Variants in DLGAP2 observed in about 807,000 individuals in gnomAD.
The protein encoded by DLGAP2 is DLG associated protein 2, also known as disks large-associated protein 2.
A neutral mutation model predicts 100.3 loss-of-function variants in DLGAP2; 26 were observed. The observed-to-expected ratio is 0.26, with a 90% CI of 0.19 to 0.36. DLGAP2 has a LOEUF of 0.36. DLGAP2 is among the 10% of genes least tolerant of loss of function. The pLI, the probability that DLGAP2 is intolerant of heterozygous loss-of-function variation, is 1.00. For synonymous variants in DLGAP2, 886 were observed against 630.1 expected (o/e 1.41, Z -6.08); for missense variants, 1,858 against 1,453.2 (o/e 1.28, Z -4.53).
chr8:1,048,958 T>TGA (rs1272954006), intron 2 of DLGAP2, among the ~76,000 whole-genome samples: 6 of 152,346 alleles, frequency 3.9e-5, no homozygotes, highest in Non-Finnish European at 8.8e-5. Flanking sequence ...GTGATTTGAC[T>TGA]GAGCCACACC....
At chr8:784,743 A>G (rs896547392) in intron 1 of DLGAP2, among the ~76,000 whole-genome samples, 2 of 152,238 alleles carry the variant, frequency 1.3e-5, no homozygotes, top group Non-Finnish European at 2.9e-5. Context: ...ACACGGGCCC[A>G]TGCCTGTGAA....
intron 1 of DLGAP2, among the ~76,000 whole-genome samples, chr8:741,156 T>C (rs1820472717): frequency 6.6e-6 from 1 of 152,224 alleles, no homozygotes; most frequent in Non-Finnish European, 1.5e-5. Context: ...AAACTGAGCA[T>C]AGTGATTTCA....
rs13272225 is a variant in DLGAP2 at position 1,282,894 on chromosome 8, G to A, written c.106+24011G>A. 1.2e-3 allele frequency among the ~76,000 whole-genome samples: 131 copies of A among 111,170 alleles called. 1 individual carries two copies. The highest frequency in any genetic ancestry group is 1.9e-3 in the Non-Finnish European group (102 of 55,074). The allele number at this position is 111,170 out of a possible 152,430, so 72.9% of individuals were successfully genotyped here. A position where few individuals can be genotyped will look rare whatever the true frequency, so the allele number is the denominator to read the frequency against. ...ACCCAGCGCCCTGAACCATCCGGACGTGGTGTGACCTGAACCCAGCACGTG... is the reference window on the plus strand; with the variant it reads ...ACCCAGCGCCCTGAACCATCCGGACATGGTGTGACCTGAACCCAGCACGTG... On this transcript the variant is annotated intron_variant, in intron 3 of 14. Coordinates refer to ENST00000637795, the MANE Select transcript of DLGAP2 (RefSeq NM_001346810.2).
chr8:1,420,832 C>T (rs1441722926), intron 3 of DLGAP2, among the ~76,000 whole-genome samples: 2 of 152,170 alleles, frequency 1.3e-5, no homozygotes, highest in Non-Finnish European at 2.9e-5. Flanking sequence ...CCTATTGGTG[C>T]CATTTCAGAG....
At chr8:1,314,318 A>G (rs62483956) in intron 3 of DLGAP2, among the ~76,000 whole-genome samples, 29,509 of 152,060 alleles carry the variant, frequency 0.19, 3,101 homozygotes, top group African/African-American at 0.26. Context: ...TGGAATTCCA[A>G]CTTCACACTG....
At chr8:838,378 G>T (rs1796921163) in intron 1 of DLGAP2, among the ~76,000 whole-genome samples, 1 of 151,584 alleles carries the variant, frequency 6.6e-6, no homozygotes, top group South Asian at 2.1e-4. Flanking sequence ...TGTGGTCTTG[G>T]CATCAGTATT....
intron 2 of DLGAP2, among the ~76,000 whole-genome samples, chr8:951,226 T>C (rs1799471653): frequency 6.6e-6 from 1 of 152,208 alleles, no homozygotes; most frequent in South Asian, 2.1e-4. Context: ...ATTTTGTTAC[T>C]TTAAAAAATA....
At chr8:827,717 G>T (rs942161761) in intron 1 of DLGAP2, among the ~76,000 whole-genome samples, 1 of 152,250 alleles carries the variant, frequency 6.6e-6, no homozygotes, top group East Asian at 1.9e-4. Context: ...AATTTATTTT[G>T]CAAAAGAAAA....
At chr8:1,158,405 A>C (rs1215348154) in intron 2 of DLGAP2, among the ~76,000 whole-genome samples, 1 of 152,144 alleles carries the variant, frequency 6.6e-6, no homozygotes, top group Non-Finnish European at 1.5e-5. Flanking sequence ...TGTTTTATTG[A>C]CTTATATTTG....
chr8:1,531,241 CGTGT>C (rs58738870), intron 4 of DLGAP2, among the ~76,000 whole-genome samples: 111 of 143,332 alleles, frequency 7.7e-4, no homozygotes, highest in Admixed American at 1.6e-3. Context: ...AGAGCGTGTG[CGTGT>C]GTGTGTGTGT....
chr8:1,198,094 G>T (rs1435173429), intron 2 of DLGAP2, among the ~76,000 whole-genome samples: 1 of 150,630 alleles, frequency 6.6e-6, no homozygotes, highest in Non-Finnish European at 1.5e-5. Context: ...GTGTGGTTCT[G>T]TGTGTGTGTG....
At chr8:1,334,177 G>A (rs531189425) in intron 3 of DLGAP2, among the ~76,000 whole-genome samples, 96 of 152,364 alleles carry the variant, frequency 6.3e-4, no homozygotes, top group African/African-American at 1.9e-3. Flanking sequence ...CTGATGGGCT[G>A]CCTTGAAAGC....
At chr8:830,572 G>A (rs56287848) in intron 1 of DLGAP2, among the ~76,000 whole-genome samples, 50,676 of 151,916 alleles carry the variant, frequency 0.33, 8,763 homozygotes, top group Admixed American at 0.48. Context: ...CAGATCATAC[G>A]TAATTTGCGA....
chr8:1,230,041 A>C (rs1371054887), intron 2 of DLGAP2, among the ~76,000 whole-genome samples: 1 of 152,190 alleles, frequency 6.6e-6, no homozygotes, highest in Non-Finnish European at 1.5e-5. Flanking sequence ...GTAGTAAAAG[A>C]CATCCAAATA....
At chr8:1,498,516 G>T (rs982482150) in intron 3 of DLGAP2, among the ~76,000 whole-genome samples, 1 of 152,212 alleles carries the variant, frequency 6.6e-6, no homozygotes, top group Non-Finnish European at 1.5e-5. Context: ...GAGACTCCGT[G>T]GTTTGTAGGG....
At chr8:1,090,839 G>C (rs958508121) in intron 2 of DLGAP2, among the ~76,000 whole-genome samples, 1 of 152,202 alleles carries the variant, frequency 6.6e-6, no homozygotes, top group African/African-American at 2.4e-5. Context: ...TATTGATGGA[G>C]ATTTTGTCCA....
chr8:1,695,067 T>C (rs1393355073), intron 13 of DLGAP2, among the ~76,000 whole-genome samples: 2 of 152,180 alleles, frequency 1.3e-5, no homozygotes, highest in African/African-American at 4.8e-5. Context: ...AGGCGATGCC[T>C]GCTCTCAGGC....
rs6559206 is a variant in DLGAP2 at position 1,052,828 on chromosome 8, G to C, written c.73+144862G>C. Among the ~76,000 whole-genome samples, 3 of 152,110 alleles carry C rather than the reference G, an allele frequency of 2.0e-5. No individual in the cohort carries two copies. The East Asian group carries it at 5.8e-4, about 29-fold the overall frequency. On this transcript the variant is annotated intron_variant, in intron 2 of 14. Coordinates refer to ENST00000637795, the MANE Select transcript of DLGAP2 (RefSeq NM_001346810.2). ...CTGAAAAATGGCCTATAGAAACACA[G>C]GGCAATGACAACCTGTAAGGAGGAT... is the stretch of plus-strand genomic sequence containing the variant.
At chr8:1,228,333 A>G (rs372663408) in intron 2 of DLGAP2, among the ~76,000 whole-genome samples, 17 of 152,254 alleles carry the variant, frequency 1.1e-4, no homozygotes, top group African/African-American at 3.4e-4. Flanking sequence ...AACTATGCCA[A>G]AGGAAATCCA....
Sources: gnomAD v4.1 joint callset for allele counts (sites outside exome capture counted in the v4.1 genomes callset) on GRCh38, gnomAD v4.1.1 for gene constraint, MANE v1.5 for transcripts, NCBI Gene and HGNC (gene_info 2026-07-23, HGNC 2026-07-21) for gene names.